Variants in PTPRM observed in about 807,000 individuals in gnomAD.
PTPRM encodes protein tyrosine phosphatase receptor type M, also known as receptor-type tyrosine-protein phosphatase mu.
PTPRM carries 47 observed loss-of-function variants against 186.7 expected under a neutral mutation model. That is an observed-to-expected ratio of 0.25 (90% CI 0.20 to 0.32). The LOEUF (loss-of-function observed/expected upper bound fraction) is 0.32, where lower values mean the gene tolerates loss of function less well. PTPRM is among the 10% of genes least tolerant of loss of function. The pLI is 1.00. For missense variants in PTPRM, 1,494 were observed against 1,865.0 expected, an observed-to-expected ratio of 0.80 and a Z score of 3.66; for synonymous variants, 668 against 674.9, an observed-to-expected ratio of 0.99 and a Z score of 0.16.
At chr18:7,580,143 A>G (rs1470847717) in intron 1 of PTPRM, among the ~76,000 whole-genome samples, 1 of 152,198 alleles carries the variant, frequency 6.6e-6, no homozygotes, top group East Asian at 1.9e-4. Flanking sequence ...TCTCTCCAAT[A>G]TCTTAAAGAG....
intron 13 of PTPRM, among the ~76,000 whole-genome samples, chr18:8,128,381 A>T (rs1200888684): frequency 6.6e-6 from 1 of 152,176 alleles, no homozygotes; most frequent in East Asian, 1.9e-4. Context: ...GTTAATATAG[A>T]GGGTTGGTGT....
At chr18:7,769,168 C>T (rs2042157837) in intron 1 of PTPRM, among the ~76,000 whole-genome samples, 1 of 152,038 alleles carries the variant, frequency 6.6e-6, no homozygotes, top group South Asian at 2.1e-4. Flanking sequence ...AGATAGTTCT[C>T]TCTGAATTTA....
chr18:8,236,467 TA>T (rs2094346795), intron 14 of PTPRM, among the ~76,000 whole-genome samples: 1 of 152,230 alleles, frequency 6.6e-6, no homozygotes, highest in Non-Finnish European at 1.5e-5. Context: ...TCTTTATATT[TA>T]AATAAGTTTC....
At chr18:7,990,597 C>T (rs2083215309) in intron 7 of PTPRM, among the ~76,000 whole-genome samples, 1 of 152,096 alleles carries the variant, frequency 6.6e-6, no homozygotes, top group Non-Finnish European at 1.5e-5. Context: ...TTCAGGAGTT[C>T]TTCCCAAAAG....
At chr18:7,946,544 C>T (rs1278469889) in intron 5 of PTPRM, among the ~76,000 whole-genome samples, 1 of 152,012 alleles carries the variant, frequency 6.6e-6, no homozygotes, top group East Asian at 1.9e-4. Context: ...TTGCTTATTT[C>T]CTGGGGTGGG....
At chr18:8,355,177 C>T (rs886484383) in intron 23 of PTPRM, among the ~76,000 whole-genome samples, 2 of 152,078 alleles carry the variant, frequency 1.3e-5, no homozygotes, top group African/African-American at 4.8e-5. Context: ...GAGGGGGCAT[C>T]AAGCAAAGGG....
chr18:7,941,624 G>T (rs985876952), intron 5 of PTPRM, among the ~76,000 whole-genome samples: 2 of 152,196 alleles, frequency 1.3e-5, no homozygotes, highest in Non-Finnish European at 2.9e-5. Flanking sequence ...GACTATCAAA[G>T]GCAGGAATAA....
intron 13 of PTPRM, among the ~76,000 whole-genome samples, chr18:8,130,740 C>T (rs1326406741): frequency 2.0e-5 from 3 of 152,186 alleles, no homozygotes; most frequent in Non-Finnish European, 4.4e-5. Context: ...AGTCCCCTAA[C>T]TGTGATTTTA....
chr18:8,129,551 G>A (rs2092452389), intron 13 of PTPRM, among the ~76,000 whole-genome samples: 1 of 152,226 alleles, frequency 6.6e-6, no homozygotes. Context: ...CTTAGCATCT[G>A]TAGGCAAATG....
chr18:7,766,844 C>G (rs2042038019), intron 1 of PTPRM, among the ~76,000 whole-genome samples: 1 of 152,160 alleles, frequency 6.6e-6, no homozygotes, highest in South Asian at 2.1e-4. Flanking sequence ...GGTGTAATAC[C>G]TTGATAACTA....
chr18:7,682,758 G>T (rs142297024), intron 1 of PTPRM, among the ~76,000 whole-genome samples: 117 of 152,238 alleles, frequency 7.7e-4, no homozygotes, highest in African/African-American at 2.7e-3. Flanking sequence ...TTTGCTGAAG[G>T]GGCTTGGAGG....
intron 22 of PTPRM, among the ~76,000 whole-genome samples, chr18:8,335,391 T>A (rs2095433510): frequency 6.6e-6 from 1 of 152,224 alleles, no homozygotes; most frequent in Non-Finnish European, 1.5e-5. Context: ...ATACATCAGT[T>A]ACCGACCCTG....
At position 8,244,051 on chromosome 18, in the gene PTPRM, T is replaced by C; in HGVS notation, c.2301-7T>C. ...CATGCCTACATAATTGAATTCTTTA[T>C]CCTAAGGAAACTGGCCAAGAAGCGG... On this transcript the variant is annotated splice_polypyrimidine_tract_variant and splice_region_variant and intron_variant, in intron 14 of 32. Coordinates refer to ENST00000580170, the MANE Select transcript of PTPRM (RefSeq NM_001105244.2). 2 of 1,607,418 alleles carry C rather than the reference T, an allele frequency of 1.2e-6. No homozygotes were observed. The highest frequency in any genetic ancestry group is 1.7e-6 in the Non-Finnish European group (2 of 1,177,864).
chr18:8,042,934 C>T (rs1331678279), intron 7 of PTPRM, among the ~76,000 whole-genome samples: 1 of 152,150 alleles, frequency 6.6e-6, no homozygotes, highest in Non-Finnish European at 1.5e-5. Flanking sequence ...TCCAACTCCC[C>T]CTTTTCTGCA....
chr18:8,294,024 G>T (rs924937819), intron 19 of PTPRM, among the ~76,000 whole-genome samples: 1 of 152,168 alleles, frequency 6.6e-6, no homozygotes, highest in Non-Finnish European at 1.5e-5. Flanking sequence ...CCCAAGGCAG[G>T]TGAATCACTT....
At chr18:7,930,519 A>C (rs1433640872) in intron 5 of PTPRM, among the ~76,000 whole-genome samples, 1 of 152,200 alleles carries the variant, frequency 6.6e-6, no homozygotes, top group African/African-American at 2.4e-5. Context: ...GTCACAAAGA[A>C]AAATGACATA....
intron 1 of PTPRM, among the ~76,000 whole-genome samples, chr18:7,766,662 C>T (rs933953153): frequency 2.0e-5 from 3 of 152,168 alleles, no homozygotes; most frequent in Non-Finnish European, 2.9e-5. Context: ...GGCGACCCTG[C>T]GTTGTGCCCT....
intron 14 of PTPRM, among the ~76,000 whole-genome samples, chr18:8,153,986 G>T (rs940876986): frequency 2.0e-5 from 3 of 152,164 alleles, no homozygotes; most frequent in Non-Finnish European, 4.4e-5. Context: ...GTAGCCACTG[G>T]TGACACTACT....
chr18:7,810,100 A>G (rs556810045), intron 2 of PTPRM, among the ~76,000 whole-genome samples: 226 of 152,282 alleles, frequency 1.5e-3, no homozygotes, highest in Admixed American at 2.4e-3. Context: ...AGCTGGAATC[A>G]GAAATACCCA....
Sources: gnomAD v4.1 joint callset for allele counts (sites outside exome capture counted in the v4.1 genomes callset) on GRCh38, gnomAD v4.1.1 for gene constraint, MANE v1.5 for transcripts, NCBI Gene and HGNC (gene_info 2026-07-23, HGNC 2026-07-21) for gene names.